The following KCNG3 variants were observed in gnomAD, a reference collection of about 807,000 sequenced individuals.
The protein encoded by KCNG3 is voltage-gated potassium channel regulatory subunit KCNG3.
Under a neutral mutation model 29.0 loss-of-function variants are expected in KCNG3, and 15 were observed. The observed-to-expected ratio is 0.52, with a 90% confidence interval of 0.35 to 0.80. KCNG3 has a LOEUF of 0.80. Among genes scored for constraint, KCNG3 ranks in the 30% least tolerant of loss-of-function variants. The pLI is 0.01. For synonymous variants in KCNG3, 322 were observed against 248.9 expected (o/e 1.29, Z -2.76); for missense variants, 512 against 605.7 (o/e 0.85, Z 1.62).
the KCNG3 span, among the ~76,000 whole-genome samples, chr2:42,395,095 G>A: frequency 5.3e-5 from 8 of 152,160 alleles, no homozygotes; most frequent in African/African-American, 1.4e-4. Context: ...GAAGCTGGTG[G>A]ACTGAATACA....
chr2:42,449,643 G>A (rs527506038), intron 1 of KCNG3, among the ~76,000 whole-genome samples: 1 of 151,310 alleles, frequency 6.6e-6, no homozygotes, highest in East Asian at 1.9e-4. Context: ...TCAGCTTCCT[G>A]AGTAGCTGGG....
chr2:42,413,256 C>A, the KCNG3 span, among the ~76,000 whole-genome samples: 1 of 152,196 alleles, frequency 6.6e-6, no homozygotes, highest in African/African-American at 2.4e-5. Context: ...CCTCCCTCCT[C>A]AGCATCCTGA....
chr2:42,419,776 A>G, the KCNG3 span, among the ~76,000 whole-genome samples: 2 of 152,200 alleles, frequency 1.3e-5, no homozygotes, highest in Non-Finnish European at 2.9e-5. Context: ...ATCCAAAACT[A>G]ACAAACAGCA....
rs143616656 is a variant in KCNG3, at chr2:42,445,508, G to T, written c.666-929C>A. Among the ~76,000 whole-genome samples the T allele has an allele frequency of 3.7e-4, 57 of 152,190 alleles. 3 individuals are homozygous for T. In the East Asian group the frequency reaches 8.7e-3, roughly 23 times the overall value. ...ACCAGGTCACAACTATCCTAAAAAG[G>T]TCCCAGCAGAAACGAGGCCGAGGAC... is the stretch of plus-strand genomic sequence containing the variant. On this transcript the variant is annotated intron_variant, in intron 1 of 1. Coordinates refer to ENST00000306078, the MANE Select transcript of KCNG3 (RefSeq NM_133329.6).
At chr2:42,456,093 A>T (rs1198869062) in intron 1 of KCNG3, among the ~76,000 whole-genome samples, 2 of 152,030 alleles carry the variant, frequency 1.3e-5, no homozygotes, top group East Asian at 3.8e-4. Context: ...TTTACACTGA[A>T]ATAGAATTTT....
chr2:42,465,890 T>C lies in KCNG3; in HGVS notation c.666-21311A>G, dbSNP rs72976290. ...ATGAAAATGATGATCAACTCTGTCATCAGAGAAATTAACACCACAATGAGA... is the reference window on the plus strand; with the variant it reads ...ATGAAAATGATGATCAACTCTGTCACCAGAGAAATTAACACCACAATGAGA... On this transcript the variant is annotated intron_variant, in intron 1 of 1. Coordinates refer to ENST00000306078, the MANE Select transcript of KCNG3 (RefSeq NM_133329.6). Among the ~76,000 whole-genome samples, 13 of 152,248 alleles carry C rather than the reference T, an allele frequency of 8.5e-5. No individual in the cohort carries two copies. In the South Asian group the frequency reaches 2.3e-3, roughly 27 times the overall value.
intron 1 of KCNG3, among the ~76,000 whole-genome samples, chr2:42,484,011 G>T (rs1288425022): frequency 6.6e-6 from 1 of 152,126 alleles, no homozygotes; most frequent in Non-Finnish European, 1.5e-5. Flanking sequence ...TCGAACTCCT[G>T]AGCTCAAGCG....
At position 42,493,434 on chromosome 2, in the gene KCNG3, G is replaced by A; in HGVS notation, c.68C>T (p.Ser23Phe). The change falls in exon 1 of 2, where the codon TCC (serine) becomes TTC (phenylalanine). Residue 23 changes from serine to phenylalanine, a missense_variant. Transcript: ENST00000306078. ...CGGGAAGTCCTTCAGCAGCTCCCGGGACAGCGAATACCGGGCGCCGCCCAC... is the reference window on the plus strand; with the variant it reads ...CGGGAAGTCCTTCAGCAGCTCCCGGAACAGCGAATACCGGGCGCCGCCCAC... Reference protein sequence around the residue: ...LNVGGARYSLSRELLKDFPLR... With the variant: ...LNVGGARYSLFRELLKDFPLR... 1 of 1,481,552 alleles carries A rather than the reference G, an allele frequency of 6.7e-7. No homozygotes were observed. The highest frequency in any genetic ancestry group is 8.9e-7 in the Non-Finnish European group (1 of 1,121,432). 91.8% of individuals were successfully genotyped at this position (1,481,552 alleles called of 1,614,324 possible). A position where few individuals can be genotyped will look rare whatever the true frequency, so the allele number is the denominator to read the frequency against.
chr2:42,449,172 A>T (rs914217065), intron 1 of KCNG3, among the ~76,000 whole-genome samples: 1 of 152,030 alleles, frequency 6.6e-6, no homozygotes, highest in Non-Finnish European at 1.5e-5. Context: ...GTATCACTCA[A>T]TTGTGTTCTT....
At chr2:42,410,274 T>C in the KCNG3 span, among the ~76,000 whole-genome samples, 10 of 152,208 alleles carry the variant, frequency 6.6e-5, no homozygotes, top group African/African-American at 2.4e-4. Flanking sequence ...TAACCTTATA[T>C]GTATGTCAGT....
At chr2:42,447,582 C>T (rs1199441087) in intron 1 of KCNG3, among the ~76,000 whole-genome samples, 1 of 152,020 alleles carries the variant, frequency 6.6e-6, no homozygotes, top group Non-Finnish European at 1.5e-5. Flanking sequence ...GTGGCACCAT[C>T]ACAGCTCACT....
At chr2:42,437,570 A>G (rs1320955701), downstream of KCNG3, among the ~76,000 whole-genome samples, 1 of 152,212 alleles carries the variant, frequency 6.6e-6, no homozygotes, top group Non-Finnish European at 1.5e-5. Context: ...CAGAGTGTAT[A>G]GTATAAAAGC....
chr2:42,445,033 C>T (rs1558373055), intron 1 of KCNG3, among the ~76,000 whole-genome samples: 1 of 147,102 alleles, frequency 6.8e-6, no homozygotes, highest in African/African-American at 2.5e-5. Flanking sequence ...TGCCACTGCA[C>T]TCCAGCCAGG....
At position 42,444,708 on chromosome 2, in the gene KCNG3, C is replaced by A. The variant is rs1672557100; in HGVS notation, c.666-129G>T. On this transcript the variant is annotated intron_variant, in intron 1 of 1. Transcript: ENST00000306078. This position sits in a 1 kb window ranked among gnomAD's most constrained non-coding sequence, Gnocchi z 5.8. ...TTTTCCAGAAAACATAAAGAACAGA[C>A]AACATTAGCAACATCATCAGACCAC... 1 of 755,968 alleles carries A rather than the reference C, an allele frequency of 1.3e-6. No homozygotes were observed. The highest frequency in any genetic ancestry group is 2.1e-6 in the Non-Finnish European group (1 of 474,456). 46.8% of individuals were successfully genotyped at this position (755,968 alleles called of 1,614,324 possible).
chr2:42,389,639 C>T, the KCNG3 span, among the ~76,000 whole-genome samples: 2 of 152,292 alleles, frequency 1.3e-5, no homozygotes, highest in Non-Finnish European at 2.9e-5. Context: ...ACACCTCACC[C>T]AGTTTATCCT....
chr2:42,430,053 T>G, the KCNG3 span, among the ~76,000 whole-genome samples: 1 of 152,136 alleles, frequency 6.6e-6, no homozygotes, highest in Non-Finnish European at 1.5e-5. Context: ...TTTTTTTCTC[T>G]AAGCAAATTT....
the KCNG3 span, among the ~76,000 whole-genome samples, chr2:42,401,081 A>C: frequency 4.0e-5 from 6 of 150,814 alleles, no homozygotes; most frequent in Admixed American, 2.7e-4. Context: ...TTACATTTAA[A>C]ATGTATATGT....
chr2:42,428,257 C>G, the KCNG3 span, among the ~76,000 whole-genome samples: 5 of 150,772 alleles, frequency 3.3e-5, no homozygotes, highest in Non-Finnish European at 7.4e-5. Flanking sequence ...GTCAGGACTT[C>G]GAGACCAGCC....
At chr2:42,413,261 T>C in the KCNG3 span, among the ~76,000 whole-genome samples, 1 of 152,164 alleles carries the variant, frequency 6.6e-6, no homozygotes, top group South Asian at 2.1e-4. Context: ...CTCCTCAGCA[T>C]CCTGAGTAGC....
Sources: gnomAD v4.1 joint callset for allele counts (sites outside exome capture counted in the v4.1 genomes callset) on GRCh38, gnomAD v4.1.1 for gene constraint, Gnocchi (gnomAD v3.1) non-coding constraint, MANE v1.5 for transcripts, NCBI Gene and HGNC (gene_info 2026-07-23, HGNC 2026-07-21) for gene names.